GLCCI1: variants seen among roughly 807,000 people sequenced by gnomAD.
The protein encoded by GLCCI1 is glucocorticoid-induced transcript 1 protein.
GLCCI1 carries 24 observed loss-of-function variants against 52.2 expected under a neutral mutation model. The observed-to-expected ratio is 0.46, with a 90% CI of 0.33 to 0.65. The LOEUF (loss-of-function observed/expected upper bound fraction) is 0.65, where lower values mean the gene tolerates loss of function less well. Among genes scored for constraint, GLCCI1 ranks in the 30% least tolerant of loss-of-function variants. GLCCI1 has a pLI of 0.02. For synonymous variants in GLCCI1, 310 were observed against 276.5 expected, an observed-to-expected ratio of 1.12 and a Z score of -1.20; for missense variants, 704 against 701.5, an observed-to-expected ratio of 1.00 and a Z score of -0.04.
chr7:7,998,452 G>A (rs537606681), intron 1 of GLCCI1, among the ~76,000 whole-genome samples: 29 of 152,286 alleles, frequency 1.9e-4, no homozygotes, highest in African/African-American at 6.7e-4. Flanking sequence ...CTGACCTCAG[G>A]TCATCCACCC....
rs1298481315 is a variant in GLCCI1, at chr7:8,088,784, G to C, written c.*2246G>C. 1 of 152,606 alleles carries C rather than the reference G, an allele frequency of 6.6e-6. No homozygotes were observed. The highest frequency in any genetic ancestry group is 6.5e-5 in the Admixed American group (1 of 15,270). The allele number at this position is 152,606 out of a possible 1,614,324, so 9.5% of individuals were successfully genotyped here. A position where few individuals can be genotyped will look rare whatever the true frequency, so the allele number is the denominator to read the frequency against. ...TAAATATTAATTGTGTTGTACATTT[G>C]TTCTTAGCATATATTAAAGTTTTGA... is the stretch of plus-strand genomic sequence containing the variant. On this transcript the variant is annotated 3_prime_UTR_variant, in exon 8 of 8. Transcript: ENST00000223145.
chr7:8,070,533 T>A (rs1410522806), intron 5 of GLCCI1: 1 of 159,090 alleles, frequency 6.3e-6, no homozygotes, highest in East Asian at 1.9e-4. Context: ...ATTTCACTTT[T>A]TCTTACAAGC....
At chr7:8,042,488 G>A (rs574091001) in intron 3 of GLCCI1, among the ~76,000 whole-genome samples, 1 of 152,344 alleles carries the variant, frequency 6.6e-6, no homozygotes, top group East Asian at 1.9e-4. Context: ...CACTGCAGAT[G>A]TGGTGGAAAT....
At chr7:7,973,372 A>G (rs1313940543) in intron 1 of GLCCI1, among the ~76,000 whole-genome samples, 2 of 151,432 alleles carry the variant, frequency 1.3e-5, no homozygotes, top group African/African-American at 4.9e-5. Flanking sequence ...ATACAGTTTT[A>G]CTGTCCAAGA....
intron 1 of GLCCI1, chr7:7,981,936 G>T: frequency 2.2e-6 from 1 of 449,322 alleles, no homozygotes. Context: ...CTGCTCTGAA[G>T]TAAAAGAAGA....
intron 6 of GLCCI1, 99 bp from the exon 7 acceptor site, chr7:8,084,798 G>C (rs1783068938): frequency 8.6e-7 from 1 of 1,166,558 alleles, no homozygotes; most frequent in Admixed American, 2.0e-5. Context: ...CAAAGCATAG[G>C]GGCAGTAGTG....
At chr7:8,032,543 G>C (rs1242284020) in intron 3 of GLCCI1, among the ~76,000 whole-genome samples, 1 of 151,974 alleles carries the variant, frequency 6.6e-6, no homozygotes, top group Non-Finnish European at 1.5e-5. Context: ...ACCAACTTCA[G>C]AAGTGAAAGA....
At chr7:8,001,399 A>C (rs2115424786) in intron 1 of GLCCI1, among the ~76,000 whole-genome samples, 1 of 152,346 alleles carries the variant, frequency 6.6e-6, no homozygotes. Context: ...TCAAAACCAC[A>C]ATGAGATACT....
intron 6 of GLCCI1, among the ~76,000 whole-genome samples, chr7:8,075,354 G>A (rs1313499497): frequency 3.9e-5 from 6 of 152,108 alleles, no homozygotes; most frequent in Non-Finnish European, 8.8e-5. Context: ...AAGTTTCCAG[G>A]CTAACTAATA....
At chr7:8,048,987 TG>T (rs1456421352) in intron 3 of GLCCI1, among the ~76,000 whole-genome samples, 1 of 152,210 alleles carries the variant, frequency 6.6e-6, no homozygotes, top group Admixed American at 6.5e-5. Flanking sequence ...TTTTTGTTTT[TG>T]TTTTTACTAT....
chr7:8,064,833 G>A (rs895692055), intron 5 of GLCCI1, among the ~76,000 whole-genome samples: 2 of 151,860 alleles, frequency 1.3e-5, no homozygotes, highest in Non-Finnish European at 2.9e-5. Context: ...ACAGCCTCCC[G>A]AGCAGCTGGC....
intron 1 of GLCCI1, among the ~76,000 whole-genome samples, chr7:7,976,140 C>A (rs1430422607): frequency 6.6e-6 from 1 of 151,950 alleles, no homozygotes; most frequent in Non-Finnish European, 1.5e-5. Context: ...TGAAGTCCAC[C>A]ATCGTATACC....
chr7:7,971,924 G>A (rs537505696), intron 1 of GLCCI1, among the ~76,000 whole-genome samples: 14 of 152,250 alleles, frequency 9.2e-5, no homozygotes, highest in African/African-American at 3.4e-4. Flanking sequence ...AACACCAGGT[G>A]GTTTTGTCAG....
intron 3 of GLCCI1, among the ~76,000 whole-genome samples, chr7:8,024,378 C>G (rs2127949467): frequency 6.6e-6 from 1 of 152,240 alleles, no homozygotes; most frequent in East Asian, 1.9e-4. Flanking sequence ...ATAAATGAAG[C>G]TAAGTCTAAT....
Position 7,969,269 on chromosome 7 carries a change from C to G in GLCCI1, c.-82C>G, listed in dbSNP as rs559864727. On this transcript the variant is annotated 5_prime_UTR_variant, in exon 1 of 8. It adds an upstream start codon to the 5' untranslated region. Coordinates refer to ENST00000223145, the MANE Select transcript of GLCCI1 (RefSeq NM_138426.4). The surrounding 1 kb of genome is among the most constrained non-coding windows in gnomAD (Gnocchi z 4.9). ...CCCCTTACACACTCGCACGCACTAT[C>G]GCGCCGGCTCCCACACGCTCGCGCG... 1 of 1,142,890 alleles carries G rather than the reference C, an allele frequency of 8.7e-7. No individual in the cohort carries two copies. Among genetic ancestry groups the G allele is most frequent in the Non-Finnish European group, 1.1e-6 (1 of 913,738 alleles). The allele number at this position is 1,142,890 out of a possible 1,614,324, so 70.8% of individuals were successfully genotyped here.
intron 2 of GLCCI1, among the ~76,000 whole-genome samples, chr7:8,005,396 A>T (rs999420581): frequency 1.3e-5 from 2 of 152,184 alleles, no homozygotes; most frequent in African/African-American, 4.8e-5. Context: ...GAAAGCAGCA[A>T]GAGGAGGAGG....
intron 1 of GLCCI1, among the ~76,000 whole-genome samples, chr7:7,996,870 A>G (rs1181695721): frequency 6.6e-6 from 1 of 152,196 alleles, no homozygotes; most frequent in East Asian, 1.9e-4. Context: ...TGAGTATTTC[A>G]GATTCTACCC....
chr7:7,992,043 T>TTTC (rs1780847499), intron 1 of GLCCI1, among the ~76,000 whole-genome samples: 15 of 128,714 alleles, frequency 1.2e-4, no homozygotes, highest in African/African-American at 1.8e-4. Flanking sequence ...AGAATTTATT[T>TTTC]TTTCTTTCTT....
chr7:8,054,408 T>G lies in GLCCI1; in HGVS notation c.697-1025T>G, dbSNP rs143792287. 5.3e-5 allele frequency among the ~76,000 whole-genome samples: 8 copies of G among 152,274 alleles called. No individual in the cohort carries two copies. The East Asian group carries it at 1.5e-3, about 29-fold the overall frequency. On this transcript the variant is annotated intron_variant, in intron 3 of 7. Coordinates refer to ENST00000223145, the MANE Select transcript of GLCCI1 (RefSeq NM_138426.4). ...GAGCTTTAAAAAACTTAAAAGGATC[T>G]AAAGATCTCACCATAAAAGAAAGGA...
Sources: gnomAD v4.1 joint callset for allele counts (sites outside exome capture counted in the v4.1 genomes callset) on GRCh38, gnomAD v4.1.1 for gene constraint, Gnocchi (gnomAD v3.1) non-coding constraint, MANE v1.5 for transcripts, NCBI Gene and HGNC (gene_info 2026-07-23, HGNC 2026-07-21) for gene names.